ALB: variants seen among roughly 807,000 people sequenced by gnomAD.
The protein encoded by ALB is serum albumin.
A neutral mutation model predicts 74.5 loss-of-function variants in ALB; 37 were observed. That is an observed-to-expected ratio of 0.50 (90% CI 0.38 to 0.65). The LOEUF (loss-of-function observed/expected upper bound fraction) is 0.65. Ranked by LOEUF, ALB falls within the 30% of genes least tolerant of loss-of-function variation. The pLI is 0.00. For missense variants in ALB, 685 were observed against 718.7 expected (o/e 0.95, Z 0.54); for synonymous variants, 249 against 251.6 (o/e 0.99, Z 0.10).
At chr4:73,416,443 A>G (rs967498830) in intron 10 of ALB, 90 bp downstream of exon 10, 2 of 887,762 alleles carry the variant, frequency 2.3e-6, no homozygotes, top group Non-Finnish European at 3.7e-6. Context: ...ACTTTTAAGA[A>G]TGAAAATACA....
Position 73,404,383 on chromosome 4 carries a change from G to C in ALB, c.56G>C (p.Arg19Thr), listed in dbSNP as rs763075976. 1.9e-6 allele frequency: 3 copies of C among 1,613,660 alleles called. No individual in the cohort carries two copies. The highest frequency in any genetic ancestry group is 2.5e-6 in the Non-Finnish European group (3 of 1,179,710). The change falls in exon 1 of 15, where the codon AGG becomes ACG. Residue 19 changes from arginine to threonine, a missense_variant. Transcript: ENST00000295897. ...TTTCTCTTTAGCTCGGCTTATTCCA[G>C]GGGTGTGTTTCGTCGAGATGCACGT... is the stretch of plus-strand genomic sequence containing the variant. Reference protein sequence around the residue: ...LLFLFSSAYSRGVFRRDAHKS... With the variant: ...LLFLFSSAYSTGVFRRDAHKS...
At chr4:73,407,005 T>C (rs536113505) in intron 3 of ALB, among the ~76,000 whole-genome samples, 1 of 152,342 alleles carries the variant, frequency 6.6e-6, no homozygotes, top group Admixed American at 6.5e-5. Flanking sequence ...TGTATTTAAA[T>C]GGCAATTTGT....
At chr4:73,404,844 T>C (rs1166131519) in intron 1 of ALB, 2 of 426,438 alleles carry the variant, frequency 4.7e-6, no homozygotes, top group African/African-American at 4.0e-5. Context: ...TGATAGACAC[T>C]AAAAGAGTAT....
intron 1 of ALB, chr4:73,404,885 A>T: frequency 1.9e-6 from 1 of 522,732 alleles, no homozygotes; most frequent in Non-Finnish European, 3.4e-6. Flanking sequence ...ATATAAGGCT[A>T]TAAATATTTA....
intron 14 of ALB, chr4:73,420,736 A>G: frequency 3.5e-6 from 1 of 281,958 alleles, no homozygotes; most frequent in Non-Finnish European, 6.6e-6. Flanking sequence ...AAACAGTTGA[A>G]TATCAGTGAT....
In ALB at chr4:73,415,192, G is replaced by A. The variant is rs377043412; in HGVS notation, c.1191+25G>A. ...GGTAGGTTTATTGTTGGAAAAAAAT[G>A]TAGTTCTTTGACTGATGATTCCAAT... is the stretch of plus-strand genomic sequence containing the variant. On this transcript the variant is annotated intron_variant, in intron 9 of 14. Coordinates refer to ENST00000295897, the MANE Select transcript of ALB (RefSeq NM_000477.7). 7.4e-6 allele frequency: 12 copies of A among 1,613,288 alleles called. No homozygotes were observed. The East Asian group carries it at 1.3e-4, about 18-fold the overall frequency.
intron 4 of ALB, 72 bp from the exon 5 acceptor site, chr4:73,409,283 A>T: frequency 1.3e-6 from 2 of 1,525,570 alleles, no homozygotes; most frequent in Non-Finnish European, 1.8e-6. Flanking sequence ...TCTGGGGAGA[A>T]TGTCGATTAC....
chr4:73,418,249 A>G lies in ALB; in HGVS notation c.1590A>G (p.Thr530=), dbSNP rs17853250. The G allele has an allele frequency of 1.9e-6, 3 of 1,614,156 alleles. No homozygotes were observed. The East Asian group carries it at 6.7e-5, about 36-fold the overall frequency. Reference sequence around the variant, plus strand: ...TTCCCAAAGAGTTTAATGCTGAAACATTCACCTTCCATGCAGATATATGCA... The same window carrying G: ...TTCCCAAAGAGTTTAATGCTGAAACGTTCACCTTCCATGCAGATATATGCA... The part of the protein sequence containing the change: ...TYVPKEFNAE[T]FTFHADICTL... Residue 530 remains threonine, a synonymous_variant, in exon 12 of 15, where the codon ACA becomes ACG. Coordinates refer to ENST00000295897, the MANE Select transcript of ALB (RefSeq NM_000477.7).
Position 73,404,324 on chromosome 4 carries a change from C to T in ALB, c.-4C>T, listed in dbSNP as rs1254782418. 1 of 1,612,816 alleles carries T rather than the reference C, an allele frequency of 6.2e-7. No individual in the cohort carries two copies. The highest frequency in any genetic ancestry group is 8.5e-7 in the Non-Finnish European group (1 of 1,178,928). The stretch of plus-strand genomic sequence containing the variant: ...TTCTGTCAACCCCACACGCCTTTGG[C>T]ACAATGAAGTGGGTAACCTTTATTT... On this transcript the variant is annotated 5_prime_UTR_variant, in exon 1 of 15. Coordinates refer to ENST00000295897, the MANE Select transcript of ALB (RefSeq NM_000477.7).
At chr4:73,417,717 CT>C in intron 11 of ALB, 48 bp downstream of exon 11, 1 of 1,445,672 alleles carries the variant, frequency 6.9e-7, no homozygotes, top group Non-Finnish European at 9.3e-7. Flanking sequence ...AAAATTTTAC[CT>C]TTAGATATTG....
Position 73,419,629 on chromosome 4 carries a change from T to C in ALB, c.1775T>C (p.Phe592Ser). Residue 592 changes from phenylalanine to serine, a missense_variant, in exon 13 of 15, where the codon TTT (phenylalanine) becomes TCT (serine). Physicochemically the swap from Phe to Ser is radical, Grantham distance 155. Coordinates refer to ENST00000295897, the MANE Select transcript of ALB (RefSeq NM_000477.7). The part of the protein sequence containing the change: ...CCKADDKETC[F>S]AEEGKKLVAA... ...AAGGCTGACGATAAGGAGACCTGCT[T>C]TGCCGAGGAGGTACTACAGTTCTCT... The C allele has an allele frequency of 6.2e-7, 1 of 1,614,074 alleles. No homozygotes were observed. Among genetic ancestry groups the C allele is most frequent in the Non-Finnish European group, 8.5e-7 (1 of 1,179,952 alleles).
At position 73,405,145 on chromosome 4, in the gene ALB, G is replaced by A. The variant is rs374543070; in HGVS notation, c.109G>A (p.Asp37Asn). Residue 37 changes from aspartate to asparagine, a missense_variant, in exon 2 of 15, where the codon GAT (aspartate) becomes AAT (asparagine). Asp to Asn is a conservative substitution (Grantham distance 23). Coordinates refer to ENST00000295897, the MANE Select transcript of ALB (RefSeq NM_000477.7). The stretch of plus-strand genomic sequence containing the variant: ...GAGTGAGGTTGCTCATCGGTTTAAA[G>A]ATTTGGGAGAAGAAAATTTCAAAGC... ...HKSEVAHRFK[D>N]LGEENFKALV... 63 of 1,613,748 alleles carry A rather than the reference G, an allele frequency of 3.9e-5. No individual in the cohort carries two copies. The Middle Eastern group carries it at 8.3e-4, about 21-fold the overall frequency.
intron 12 of ALB, 133 bp downstream of exon 12, chr4:73,418,444 CTGA>C (rs1261990193): frequency 1.2e-5 from 9 of 779,790 alleles, no homozygotes; most frequent in Non-Finnish European, 1.9e-5. Flanking sequence ...CCTTATTATG[CTGA>C]TAAGAGTACC....
chr4:73,404,920 G>A (rs1436553573), intron 1 of ALB, 196 bp from the exon 2 acceptor site: 1 of 610,450 alleles, frequency 1.6e-6, no homozygotes, highest in East Asian at 3.0e-5. Flanking sequence ...AGTATTCTTG[G>A]TAATTGAATT....
In ALB at chr4:73,409,188, A is replaced by G. The variant is rs989968060; in HGVS notation, c.483-167A>G. On this transcript the variant is annotated intron_variant, in intron 4 of 14. Transcript: ENST00000295897. ...ACACACACACTTAACCCTTTTTTCC[A>G]CATACTTAAAGAATGACAGAGACAA... The G allele has an allele frequency of 2.1e-5, 16 of 744,590 alleles. No individual in the cohort carries two copies. The African/African-American group carries it at 2.3e-4, about 11-fold the overall frequency. The allele number at this position is 744,590 out of a possible 1,614,324, so 46.1% of individuals were successfully genotyped here. A position where few individuals can be genotyped will look rare whatever the true frequency, so the allele number is the denominator to read the frequency against.
intron 2 of ALB, 141 bp downstream of exon 2, chr4:73,405,314 A>T (rs1577934181): frequency 2.8e-6 from 2 of 718,604 alleles, no homozygotes; most frequent in Non-Finnish European, 4.8e-6. Context: ...TGAGGAAGAT[A>T]TTCTGTATCT....
intron 13 of ALB, 38 bp downstream of exon 13, chr4:73,419,677 C>T: frequency 6.2e-7 from 1 of 1,611,268 alleles, no homozygotes; most frequent in Non-Finnish European, 8.5e-7. Context: ...GTCCAGTATT[C>T]ATTTTTGCAT....
rs759793857 is a variant in ALB at position 73,413,593 on chromosome 4, T to A, written c.1017T>A (p.Val339=). The change falls in exon 8 of 15, where the codon GTT becomes GTA. Residue 339 remains valine (V), a synonymous_variant. Coordinates refer to ENST00000295897, the MANE Select transcript of ALB (RefSeq NM_000477.7). ...LAADFVESKD[V]CKNYAEAKDV... is the part of the protein sequence containing the mutation. ...CTGATTTTGTTGAAAGTAAGGATGT[T>A]TGCAAAAACTATGCTGAGGCAAAGG... is the stretch of plus-strand genomic sequence containing the variant. 6.2e-7 allele frequency: 1 copy of A among 1,614,144 alleles called. No homozygotes were observed. The highest frequency in any genetic ancestry group is 8.5e-7 in the Non-Finnish European group (1 of 1,180,012).
Position 73,409,358 on chromosome 4 carries a change from CT to C in ALB, c.488del (p.Leu163TyrfsTer78). Reference protein sequence around the residue: ...DNEETFLKKYLYEIARRHPYF... With the variant: ...DNEETFLKKYXYEIARRHPYF... ...GTTTTTCTTTTTCAAAATTTAGATA[CT>C]TATATGAAATTGCCAGAAGACATCC... On this transcript the variant is annotated frameshift_variant, in exon 5 of 15. Transcript: ENST00000295897. LOFTEE classifies it high-confidence loss of function. 6.2e-7 allele frequency: 1 copy of C among 1,613,318 alleles called. No individual in the cohort carries two copies. The highest frequency in any genetic ancestry group is 8.5e-7 in the Non-Finnish European group (1 of 1,179,418).
Sources: gnomAD v4.1 joint callset for allele counts (sites outside exome capture counted in the v4.1 genomes callset) on GRCh38, gnomAD v4.1.1 for gene constraint, MANE v1.5 for transcripts, NCBI Gene and HGNC (gene_info 2026-07-23, HGNC 2026-07-21) for gene names.